Variants in SOX5 observed in about 807,000 individuals in gnomAD.
SOX5 encodes the protein transcription factor SOX-5.
In SOX5, 9 loss-of-function variants were observed where a neutral mutation model predicts 92.0. That is an observed-to-expected ratio of 0.10 (90% CI 0.06 to 0.17). The LOEUF is 0.17. Among genes scored for constraint, SOX5 ranks in the 10% least tolerant of loss-of-function variants. SOX5 has a pLI of 1.00. For missense variants in SOX5, 642 were observed against 944.5 expected (o/e 0.68, Z 4.20); for synonymous variants, 344 against 336.3 (o/e 1.02, Z -0.25).
At chr12:24,046,976 C>T (rs951113487) in intron 4 of SOX5, among the ~76,000 whole-genome samples, 5 of 152,134 alleles carry the variant, frequency 3.3e-5, no homozygotes, top group East Asian at 1.9e-4. Flanking sequence ...CGTGAGCCAC[C>T]GCTCCCGGCC....
At chr12:24,141,596 G>A (rs1950588133) in intron 4 of SOX5, among the ~76,000 whole-genome samples, 2 of 152,202 alleles carry the variant, frequency 1.3e-5, no homozygotes, top group African/African-American at 4.8e-5. Context: ...GTTCTGCTCA[G>A]TTCAAGACGG....
chr12:24,040,098 T>A (rs1956376434), intron 4 of SOX5, among the ~76,000 whole-genome samples: 1 of 152,190 alleles, frequency 6.6e-6, no homozygotes, highest in South Asian at 2.1e-4. Context: ...TTGTCCTGGT[T>A]CAATTATGTT....
chr12:24,266,176 C>T (rs905005541), intron 3 of SOX5, among the ~76,000 whole-genome samples: 2 of 151,718 alleles, frequency 1.3e-5, no homozygotes, highest in African/African-American at 2.4e-5. Context: ...AGCCTCCCAA[C>T]GTGCTAGAAT....
At chr12:24,441,823 T>C (rs1940654359) in intron 1 of SOX5, among the ~76,000 whole-genome samples, 1 of 152,160 alleles carries the variant, frequency 6.6e-6, no homozygotes, top group Admixed American at 6.5e-5. Context: ...ACTAACCCAG[T>C]CTGTTGGAAC....
chr12:24,120,838 A>G (rs1294261700), intron 4 of SOX5, among the ~76,000 whole-genome samples: 1 of 152,218 alleles, frequency 6.6e-6, no homozygotes, highest in Admixed American at 6.5e-5. Context: ...ATAAACGTTG[A>G]AAAACTGAGA....
At chr12:24,008,154 C>T (rs943423484) in intron 4 of SOX5, among the ~76,000 whole-genome samples, 16 of 151,914 alleles carry the variant, frequency 1.1e-4, no homozygotes, top group Non-Finnish European at 1.9e-4. Context: ...CCAAAACATT[C>T]GAGATAACGA....
At chr12:23,989,363 A>AC in intron 4 of SOX5, among the ~76,000 whole-genome samples, 1 of 151,944 alleles carries the variant, frequency 6.6e-6, no homozygotes, top group East Asian at 2.0e-4. Context: ...CTGCAAAGTA[A>AC]CCTGGGTGAC....
chr12:24,268,845 C>T (rs539965536), intron 3 of SOX5, among the ~76,000 whole-genome samples: 1 of 152,154 alleles, frequency 6.6e-6, no homozygotes, highest in Non-Finnish European at 1.5e-5. Flanking sequence ...TTTTTATCTA[C>T]AGGTGGCAGA....
upstream of SOX5, among the ~76,000 whole-genome samples, chr12:23,951,518 C>G (rs540573676): frequency 6.6e-6 from 1 of 151,848 alleles, no homozygotes; most frequent in African/African-American, 2.4e-5. Context: ...TACACATATT[C>G]CAAAGAGAAA....
intron 6 of SOX5, among the ~76,000 whole-genome samples, chr12:23,674,354 T>TTTTTTTTTTTTTTTTTA (rs2085306599): frequency 6.8e-6 from 1 of 147,884 alleles, no homozygotes; most frequent in Non-Finnish European, 1.5e-5. Flanking sequence ...TTTTTTTTTT[T>TTTTTTTTTTTTTTTTTA]GAGACGGAGT....
chr12:23,776,607 C>T (rs917796586), intron 3 of SOX5, among the ~76,000 whole-genome samples: 7 of 151,902 alleles, frequency 4.6e-5, no homozygotes, highest in African/African-American at 1.2e-4. Flanking sequence ...GGACCAGTCT[C>T]GTGGAAGACA....
At chr12:23,635,958 A>G (rs1233831376) in intron 8 of SOX5, among the ~76,000 whole-genome samples, 1 of 152,156 alleles carries the variant, frequency 6.6e-6, no homozygotes, top group Non-Finnish European at 1.5e-5. Context: ...CTGGGTTGAG[A>G]AATAGATGAA....
At chr12:24,535,687 T>A (rs1951579312) in intron 1 of SOX5, among the ~76,000 whole-genome samples, 2 of 152,372 alleles carry the variant, frequency 1.3e-5, no homozygotes, top group South Asian at 4.1e-4. Flanking sequence ...GCATGAAGTA[T>A]GAAAATCATA....
rs768128291 is a variant in SOX5 at position 23,895,780 on chromosome 12, A to T, written c.270+13T>A. ...AAAGTGAGTGTAGGCACAATAAACC[A>T]TGAGAAACCTACCATTGTATTGTGC... On this transcript the variant is annotated intron_variant, in intron 2 of 14. Transcript: ENST00000451604. 6.3e-7 allele frequency: 1 copy of T among 1,578,436 alleles called. No individual in the cohort carries two copies. Among genetic ancestry groups the T allele is most frequent in the South Asian group, 1.1e-5 (1 of 90,384 alleles).
intron 1 of SOX5, among the ~76,000 whole-genome samples, chr12:24,475,160 A>G (rs1222557361): frequency 2.6e-5 from 4 of 152,072 alleles, no homozygotes; most frequent in African/African-American, 9.7e-5. Context: ...TTCTCTATGA[A>G]CTTACATTGT....
At chr12:24,044,341 A>G (rs1207410380) in intron 4 of SOX5, among the ~76,000 whole-genome samples, 3 of 152,214 alleles carry the variant, frequency 2.0e-5, no homozygotes, top group Non-Finnish European at 2.9e-5. Context: ...TATGTGCCAC[A>G]ATAGAACTAT....
chr12:24,049,767 A>G (rs1957386247), intron 4 of SOX5, among the ~76,000 whole-genome samples: 2 of 149,648 alleles, frequency 1.3e-5, no homozygotes, highest in South Asian at 4.2e-4. Context: ...TTATCCCAAT[A>G]ATCTTTAGAT....
intron 4 of SOX5, among the ~76,000 whole-genome samples, chr12:24,087,373 T>A (rs982266418): frequency 4.6e-5 from 7 of 152,050 alleles, no homozygotes; most frequent in African/African-American, 1.7e-4. Flanking sequence ...GGAATAATAA[T>A]AATTGATTAT....
chr12:24,039,860 A>T (rs965686820), intron 4 of SOX5, among the ~76,000 whole-genome samples: 1 of 152,204 alleles, frequency 6.6e-6, no homozygotes, highest in East Asian at 1.9e-4. Flanking sequence ...TCAAATGCCT[A>T]TTGTGTCCTA....
Sources: gnomAD v4.1 joint callset for allele counts (sites outside exome capture counted in the v4.1 genomes callset) on GRCh38, gnomAD v4.1.1 for gene constraint, MANE v1.5 for transcripts, NCBI Gene and HGNC (gene_info 2026-07-23, HGNC 2026-07-21) for gene names.